Variants in EMID1 observed in about 807,000 individuals in gnomAD.
EMID1 encodes EMI domain-containing protein 1.
EMID1 carries 40 observed loss-of-function variants against 60.6 expected under a neutral mutation model. That is an observed-to-expected ratio of 0.66 (90% confidence interval 0.51 to 0.86). The LOEUF (loss-of-function observed/expected upper bound fraction) is 0.86, where lower values mean the gene tolerates loss of function less well. EMID1 is among the 40% of genes least tolerant of loss of function. EMID1 has a pLI of 0.00. For missense variants in EMID1, 585 were observed against 597.1 expected (o/e 0.98, Z 0.21); for synonymous variants, 242 against 231.0 (o/e 1.05, Z -0.43).
At chr22:29,248,267 T>TC (rs2146414310) in intron 13 of EMID1, among the ~76,000 whole-genome samples, 2 of 151,120 alleles carry the variant, frequency 1.3e-5, no homozygotes, top group East Asian at 3.9e-4. Flanking sequence ...CCCTTTTTTT[T>TC]TTTTTTTTTT....
In EMID1 at chr22:29,209,115, G is replaced by A. The variant is rs9625735; in HGVS notation, c.101+2976G>A. On this transcript the variant is annotated intron_variant, in intron 1 of 14. Transcript: ENST00000334018. Reference sequence around the variant, plus strand: ...CATCACAGCCCTTGGCCCCGGGCCCGCTTGGCTGCCTCCTGCAATTAGCCC... The same window carrying A: ...CATCACAGCCCTTGGCCCCGGGCCCACTTGGCTGCCTCCTGCAATTAGCCC... Among the ~76,000 whole-genome samples the A allele has an allele frequency of 7.1e-3, 1,075 of 152,250 alleles. 10 individuals are homozygous for A. Among genetic ancestry groups the A allele is most frequent in the African/African-American group, 0.025 (1,028 of 41,550 alleles).
intron 14 of EMID1, among the ~76,000 whole-genome samples, chr22:29,257,521 C>T (rs2041745622): frequency 2.0e-5 from 3 of 152,098 alleles, no homozygotes; most frequent in Admixed American, 1.3e-4. Context: ...CACCTCAGGT[C>T]TCCCCTCTAA....
At chr22:29,254,308 G>A (rs374741526) in intron 14 of EMID1, 21 bp downstream of exon 14, 131 of 1,608,770 alleles carry the variant, frequency 8.1e-5, no homozygotes, top group South Asian at 2.3e-4. Flanking sequence ...ACAGACAGAC[G>A]GACAGACGGC....
chr22:29,222,911 G>T (rs1209990441), intron 3 of EMID1, among the ~76,000 whole-genome samples: 2 of 152,092 alleles, frequency 1.3e-5, no homozygotes, highest in African/African-American at 4.8e-5. Flanking sequence ...CTAATACGGT[G>T]AAACCCCACC....
At chr22:29,217,486 G>A (rs1761460916) in intron 3 of EMID1, among the ~76,000 whole-genome samples, 1 of 152,246 alleles carries the variant, frequency 6.6e-6, no homozygotes, top group South Asian at 2.1e-4. Flanking sequence ...CATTGTGCAA[G>A]GGCCCTGGGC....
intron 13 of EMID1, 24 bp downstream of exon 13, chr22:29,243,513 C>G: frequency 6.2e-7 from 1 of 1,614,034 alleles, no homozygotes. Flanking sequence ...TGGCACTGGC[C>G]TCTCCCTGCC....
In EMID1 at chr22:29,232,221, C is replaced by G. The variant is rs761674151; in HGVS notation, c.677-35C>G. The G allele has an allele frequency of 7.4e-6, 12 of 1,611,210 alleles. No individual in the cohort carries two copies. The Admixed American group carries it at 2.0e-4, about 27-fold the overall frequency. On this transcript the variant is annotated intron_variant, in intron 7 of 14. Transcript: ENST00000334018. ...AGGCCACCCTGGGCCTCCTTGCCTC[C>G]TGTATACCCACAAATCCGTGTGATT...
intron 1 of EMID1, among the ~76,000 whole-genome samples, chr22:29,214,194 A>C (rs1002415796): frequency 3.3e-5 from 5 of 152,174 alleles, no homozygotes; most frequent in African/African-American, 1.2e-4. Context: ...CTCCTCTTGC[A>C]TGCTGGCGGA....
chr22:29,224,678 G>A (rs1242315416), intron 3 of EMID1, among the ~76,000 whole-genome samples: 1 of 152,246 alleles, frequency 6.6e-6, no homozygotes, highest in Admixed American at 6.5e-5. Context: ...CAGTCCCTGT[G>A]TGTGCACAGT....
chr22:29,212,973 G>A (rs2039948235), intron 1 of EMID1, among the ~76,000 whole-genome samples: 1 of 152,222 alleles, frequency 6.6e-6, no homozygotes, highest in Non-Finnish European at 1.5e-5. Context: ...GCTACTGTTC[G>A]TGTAGTAGAC....
chr22:29,217,108 G>A (rs531792457), intron 3 of EMID1, among the ~76,000 whole-genome samples: 232 of 152,328 alleles, frequency 1.5e-3, no homozygotes, highest in South Asian at 2.7e-3. Context: ...CATGGGGGCC[G>A]CCTGGGCCCA....
At chr22:29,227,096 T>A (rs1479217172) in intron 5 of EMID1, among the ~76,000 whole-genome samples, 1 of 152,184 alleles carries the variant, frequency 6.6e-6, no homozygotes, top group Non-Finnish European at 1.5e-5. Flanking sequence ...GTATTTTTTG[T>A]TTTGTTTTGT....
At chr22:29,231,327 C>G (rs2040732134) in intron 6 of EMID1, 187 bp downstream of exon 6, 1 of 956,540 alleles carries the variant, frequency 1.0e-6, no homozygotes, top group South Asian at 1.7e-5. Flanking sequence ...ATGCTGCAGT[C>G]CCTGGAGACC....
chr22:29,253,708 A>C (rs1355287216), intron 13 of EMID1, among the ~76,000 whole-genome samples: 1 of 152,280 alleles, frequency 6.6e-6, no homozygotes, highest in Non-Finnish European at 1.5e-5. Context: ...ACTGGTAAGT[A>C]GCCTGAACTC....
At chr22:29,257,165 G>A (rs113792603) in intron 14 of EMID1, among the ~76,000 whole-genome samples, 2,554 of 152,282 alleles carry the variant, frequency 0.017, 33 homozygotes, top group Non-Finnish European at 0.025. Context: ...ACTGCCAGTG[G>A]CCCCTCAAGC....
intron 12 of EMID1, among the ~76,000 whole-genome samples, chr22:29,238,537 C>T (rs181675847): frequency 7.0e-6 from 1 of 142,534 alleles, no homozygotes; most frequent in East Asian, 2.0e-4. Flanking sequence ...CCTGCCTCAG[C>T]CTCCCAAATA....
chr22:29,206,933 T>C (rs6006059), intron 1 of EMID1, among the ~76,000 whole-genome samples: 3,141 of 152,352 alleles, frequency 0.021, 111 homozygotes, highest in African/African-American at 0.072. Flanking sequence ...CTATCCTTGA[T>C]GACAGTGTTT....
At chr22:29,233,192 C>T in intron 8 of EMID1, 187 bp from the exon 9 acceptor site, 1 of 652,608 alleles carries the variant, frequency 1.5e-6, no homozygotes, top group Non-Finnish European at 2.7e-6. Context: ...CCACATCTCC[C>T]TGCCTCCTGG....
At chr22:29,214,692 C>T (rs2040017266) in intron 1 of EMID1, among the ~76,000 whole-genome samples, 2 of 152,118 alleles carry the variant, frequency 1.3e-5, no homozygotes, top group African/African-American at 4.8e-5. Context: ...TTCCTCAAGA[C>T]CTACTGAGAA....
Sources: gnomAD v4.1 joint callset for allele counts (sites outside exome capture counted in the v4.1 genomes callset) on GRCh38, gnomAD v4.1.1 for gene constraint, MANE v1.5 for transcripts, NCBI Gene and HGNC (gene_info 2026-07-23, HGNC 2026-07-21) for gene names.